EIF4G3: variants seen among roughly 807,000 people sequenced by gnomAD.
The protein encoded by EIF4G3 is eIF-4-gamma 3.
Under a neutral mutation model 186.4 loss-of-function variants are expected in EIF4G3, and 34 were observed. The ratio of observed to expected loss-of-function variants is 0.18; its 90% CI spans 0.14 to 0.24. The LOEUF (loss-of-function observed/expected upper bound fraction) is 0.24, where lower values mean the gene tolerates loss of function less well. EIF4G3 is among the 10% of genes least tolerant of loss of function. EIF4G3 has a pLI of 1.00. For synonymous variants in EIF4G3, 673 were observed against 679.5 expected, an observed-to-expected ratio of 0.99 and a Z score of 0.15; for missense variants, 1,536 against 1,948.5, an observed-to-expected ratio of 0.79 and a Z score of 3.99.
At chr1:20,996,591 T>C (rs935301798) in intron 7 of EIF4G3, among the ~76,000 whole-genome samples, 3 of 152,336 alleles carry the variant, frequency 2.0e-5, no homozygotes, top group Non-Finnish European at 1.5e-5. Context: ...GTAATAAGAA[T>C]TGTAAATATG....
intron 20 of EIF4G3, among the ~76,000 whole-genome samples, chr1:20,875,160 T>C (rs2080395997): frequency 6.6e-6 from 1 of 152,174 alleles, no homozygotes; most frequent in Non-Finnish European, 1.5e-5. Context: ...TTTAATTTTT[T>C]ATTTGTAGAG....
chr1:21,020,512 G>GAATA (rs1203647870), intron 4 of EIF4G3, among the ~76,000 whole-genome samples: 4 of 151,642 alleles, frequency 2.6e-5, no homozygotes, highest in East Asian at 1.9e-4. Context: ...ATAAATAAAT[G>GAATA]AATAAATAAA....
At chr1:21,011,930 C>G (rs1385417298) in intron 4 of EIF4G3, among the ~76,000 whole-genome samples, 1 of 152,084 alleles carries the variant, frequency 6.6e-6, no homozygotes, top group Non-Finnish European at 1.5e-5. Context: ...TGCCATTTTA[C>G]TTGAAAGAAG....
intron 12 of EIF4G3, among the ~76,000 whole-genome samples, chr1:20,959,001 A>T (rs913176427): frequency 9.2e-5 from 14 of 152,120 alleles, no homozygotes; most frequent in African/African-American, 3.4e-4. Context: ...ATTCAATGTA[A>T]TTCTCATCAA....
chr1:21,174,378 C>T (rs950431676), intron 2 of EIF4G3, among the ~76,000 whole-genome samples: 1 of 152,168 alleles, frequency 6.6e-6, no homozygotes, highest in Admixed American at 6.5e-5. Context: ...CAAAAAGCCA[C>T]CCAATTCACC....
chr1:21,034,059 C>T (rs1281844341), intron 4 of EIF4G3, among the ~76,000 whole-genome samples: 1 of 152,156 alleles, frequency 6.6e-6, no homozygotes, highest in Non-Finnish European at 1.5e-5. Context: ...TATGACAACA[C>T]ACTCCAGCCT....
At chr1:21,154,979 C>T (rs962202570) in intron 2 of EIF4G3, among the ~76,000 whole-genome samples, 8 of 151,932 alleles carry the variant, frequency 5.3e-5, no homozygotes, top group African/African-American at 1.9e-4. Flanking sequence ...AATATATAGG[C>T]CAGCGGGGCA....
rs373710147 is a variant in EIF4G3, at chr1:21,024,166, T to TG, written c.-66-21359dup. 2.2e-3 allele frequency among the ~76,000 whole-genome samples: 316 copies of TG among 143,108 alleles called. No individual in the cohort carries two copies. In the Middle Eastern group the frequency reaches 0.03, roughly 14 times the overall value. 93.9% of individuals were successfully genotyped at this position (143,108 alleles called of 152,430 possible). A position where few individuals can be genotyped will look rare whatever the true frequency, so the allele number is the denominator to read the frequency against. On this transcript the variant is annotated intron_variant, in intron 4 of 36. Coordinates refer to ENST00000602326, the MANE Select transcript of EIF4G3 (RefSeq NM_001391906.1). Reference sequence around the variant, plus strand: ...GCAGTCACCCCGTCCGGGAGGGAGGTGGGGGGGGGTCAGCCCCCCGCCCGG... The same window carrying TG: ...GCAGTCACCCCGTCCGGGAGGGAGGTGGGGGGGGGGTCAGCCCCCCGCCCGG...
intron 2 of EIF4G3, among the ~76,000 whole-genome samples, chr1:21,155,369 T>C (rs1573475211): frequency 6.6e-6 from 1 of 151,818 alleles, no homozygotes; most frequent in South Asian, 2.1e-4. Flanking sequence ...CTGCTTAAAA[T>C]TTATCAACTA....
chr1:21,061,245 T>TAATCCAAA (rs751071858), intron 3 of EIF4G3, among the ~76,000 whole-genome samples: 6 of 152,134 alleles, frequency 3.9e-5, no homozygotes, highest in Non-Finnish European at 8.8e-5. Context: ...TCAGCAGCCC[T>TAATCCAAA]AATCCAAAAA....
At chr1:21,077,881 CA>C (rs369662502) in intron 3 of EIF4G3, among the ~76,000 whole-genome samples, 143 of 60,078 alleles carry the variant, frequency 2.4e-3, no homozygotes, top group African/African-American at 3.0e-3. Context: ...AACTCCGTCT[CA>C]AAAAAAAAAA....
intron 4 of EIF4G3, among the ~76,000 whole-genome samples, chr1:21,019,226 C>T (rs1216209066): frequency 6.6e-6 from 1 of 152,224 alleles, no homozygotes; most frequent in East Asian, 1.9e-4. Flanking sequence ...CAATATTACT[C>T]TAGCACAAAA....
chr1:21,069,324 TTAC>T (rs1439765852), intron 3 of EIF4G3, among the ~76,000 whole-genome samples: 39 of 152,306 alleles, frequency 2.6e-4, no homozygotes, highest in Admixed American at 9.8e-4. Flanking sequence ...CCAGTAAATG[TTAC>T]TACTTATTTA....
At position 20,851,347 on chromosome 1, in the gene EIF4G3, T is replaced by A. The variant is rs748818692; in HGVS notation, c.3683A>T (p.Glu1228Val). 6.2e-7 allele frequency: 1 copy of A among 1,614,130 alleles called. No homozygotes were observed. The highest frequency in any genetic ancestry group is 8.5e-7 in the Non-Finnish European group (1 of 1,180,034). The part of the protein sequence containing the change: ...DNQSQEEQRR[E>V]MLETVKQLTG... ...GAGCTGCTTCACGGTCTCCAGCATC[T>A]CTCTCCGCTGCTCTTCTTGAGACTG... is the stretch of plus-strand genomic sequence containing the variant. The change falls in exon 28 of 37, where the codon GAG becomes GTG. Residue 1228 changes from glutamate (E) to valine (V), a missense_variant. Around this residue, in one of 11 missense-constraint regions of EIF4G3, gnomAD observed 395 missense variants for 498.9 expected, o/e 0.79. Transcript: ENST00000602326.
intron 4 of EIF4G3, among the ~76,000 whole-genome samples, chr1:21,036,274 C>G (rs1345921481): frequency 6.6e-6 from 1 of 152,174 alleles, no homozygotes; most frequent in Admixed American, 6.5e-5. Flanking sequence ...CAGAGAGGAA[C>G]TGCCCACTGC....
chr1:20,822,168 G>T (rs1315613958), intron 33 of EIF4G3, among the ~76,000 whole-genome samples: 2 of 152,062 alleles, frequency 1.3e-5, no homozygotes, highest in African/African-American at 4.8e-5. Flanking sequence ...GAGCCACCAC[G>T]CCTGGCTGAT....
rs2061671571 is a variant in EIF4G3 at position 20,818,995 on chromosome 1, T to G, written c.4369-1457A>C. 3.3e-5 allele frequency among the ~76,000 whole-genome samples: 5 copies of G among 152,286 alleles called. No individual in the cohort carries two copies. In the South Asian group the frequency reaches 8.3e-4, roughly 25 times the overall value. On this transcript the variant is annotated intron_variant, in intron 33 of 36. Coordinates refer to ENST00000602326, the MANE Select transcript of EIF4G3 (RefSeq NM_001391906.1). ...ATGTTGCCAAGTTGGACTTGAACTC[T>G]GGGGCTCAAAGATCCTTCTGCCTCA...
chr1:20,905,059 G>T, intron 14 of EIF4G3, 88 bp from the exon 15 acceptor site: 2 of 999,248 alleles, frequency 2.0e-6, no homozygotes, highest in Non-Finnish European at 3.0e-6. Context: ...TTCAAATTAA[G>T]CAGGATAAAA....
chr1:21,004,942 C>T (rs2084623841), intron 4 of EIF4G3, among the ~76,000 whole-genome samples: 1 of 152,082 alleles, frequency 6.6e-6, no homozygotes, highest in Non-Finnish European at 1.5e-5. Flanking sequence ...TCCTTTCCTA[C>T]TCTAGTTCTA....
Sources: gnomAD v4.1 joint callset for allele counts (sites outside exome capture counted in the v4.1 genomes callset) on GRCh38, gnomAD v4.1.1 for gene constraint, gnomAD v4.1.1 regional missense constraint, MANE v1.5 for transcripts, NCBI Gene and HGNC (gene_info 2026-07-23, HGNC 2026-07-21) for gene names.